Variants in TEAD1 observed in about 807,000 individuals in gnomAD.
The protein encoded by TEAD1 is transcriptional enhancer factor TEF-1.
Under a neutral mutation model 54.9 loss-of-function variants are expected in TEAD1, and 9 were observed. That is an observed-to-expected ratio of 0.16 (90% confidence interval 0.10 to 0.29). TEAD1 has a LOEUF of 0.29. Ranked by LOEUF, TEAD1 falls within the 10% of genes least tolerant of loss-of-function variation. The pLI is 1.00. For missense variants in TEAD1, 387 were observed against 535.9 expected, an observed-to-expected ratio of 0.72 and a Z score of 2.74; for synonymous variants, 200 against 187.8, an observed-to-expected ratio of 1.07 and a Z score of -0.53.
chr11:12,867,168 A>G (rs1048235555), intron 5 of TEAD1, among the ~76,000 whole-genome samples: 7 of 152,102 alleles, frequency 4.6e-5, no homozygotes, highest in African/African-American at 1.7e-4. Flanking sequence ...TTGAACTCAG[A>G]TCTTTTTGCA....
chr11:12,686,483 A>G (rs1013016897), intron 2 of TEAD1, among the ~76,000 whole-genome samples: 1 of 152,204 alleles, frequency 6.6e-6, no homozygotes, highest in Non-Finnish European at 1.5e-5. Flanking sequence ...CTCATCATTC[A>G]TAGGAATGAT....
chr11:12,681,321 G>A (rs1363151600), intron 2 of TEAD1, among the ~76,000 whole-genome samples: 1 of 152,120 alleles, frequency 6.6e-6, no homozygotes, highest in Non-Finnish European at 1.5e-5. Context: ...TTGATGAAAG[G>A]TTTCTAGTTT....
chr11:12,896,086 A>G (rs961742196), intron 9 of TEAD1, among the ~76,000 whole-genome samples: 1 of 152,172 alleles, frequency 6.6e-6, no homozygotes, highest in East Asian at 1.9e-4. Context: ...AATTTTGCAC[A>G]CAGCGTGGTT....
intron 10 of TEAD1, among the ~76,000 whole-genome samples, chr11:12,912,024 G>A (rs991552397): frequency 2.6e-5 from 4 of 151,776 alleles, no homozygotes; most frequent in Non-Finnish European, 4.4e-5. Context: ...AGAAATTGCT[G>A]TGCATTGGGC....
intron 5 of TEAD1, 85 bp from the exon 6 acceptor site, chr11:12,879,623 T>C (rs766322609): frequency 6.4e-7 from 1 of 1,562,872 alleles, no homozygotes; most frequent in Admixed American, 1.7e-5. Context: ...TGTATTTTAG[T>C]CCATGTGCTC....
At chr11:12,755,546 C>T (rs1363588930) in intron 2 of TEAD1, among the ~76,000 whole-genome samples, 3 of 152,330 alleles carry the variant, frequency 2.0e-5, no homozygotes, top group Middle Eastern at 6.8e-3. Flanking sequence ...TTGACTGTTA[C>T]TCCTGGGAAA....
At chr11:12,864,766 A>G in intron 4 of TEAD1, 72 bp from the exon 5 acceptor site, 4 of 1,612,764 alleles carry the variant, frequency 2.5e-6, no homozygotes, top group Admixed American at 1.7e-5. Context: ...TGGCTTGCCC[A>G]CTTGTAGGGG....
intron 2 of TEAD1, among the ~76,000 whole-genome samples, chr11:12,719,971 TTTTTTTTTTTTTTTTTTTTTTTTGGGG>T (rs1944154779): frequency 3.1e-5 from 2 of 63,636 alleles, no homozygotes; most frequent in African/African-American, 2.9e-4. Flanking sequence ...TTTTTTTTTT[TTTTTTTTTTTTTTTTTTTTTTTTGGGG>T]GGGGACCCAG....
At chr11:12,903,524 T>C (rs1008436411) in intron 10 of TEAD1, among the ~76,000 whole-genome samples, 8 of 152,256 alleles carry the variant, frequency 5.3e-5, no homozygotes, top group Non-Finnish European at 8.8e-5. Flanking sequence ...TATTGAAATT[T>C]GGTTAGTAGT....
intron 4 of TEAD1, 103 bp downstream of exon 4, chr11:12,862,417 T>C: frequency 1.0e-6 from 1 of 985,896 alleles, no homozygotes. Flanking sequence ...GCCCCCAATT[T>C]GAGTTCCCTG....
At chr11:12,709,276 C>G (rs942415377) in intron 2 of TEAD1, among the ~76,000 whole-genome samples, 5 of 151,252 alleles carry the variant, frequency 3.3e-5, no homozygotes, top group African/African-American at 1.2e-4. Context: ...AGGTGGAGGT[C>G]GCAGTGAGCT....
intron 3 of TEAD1, among the ~76,000 whole-genome samples, chr11:12,766,824 A>G (rs974965830): frequency 3.9e-5 from 6 of 152,176 alleles, no homozygotes; most frequent in African/African-American, 1.2e-4. Context: ...TGGAAGAACA[A>G]TCTTACTGGT....
At chr11:12,834,562 G>A (rs1335495127) in intron 3 of TEAD1, among the ~76,000 whole-genome samples, 4 of 152,184 alleles carry the variant, frequency 2.6e-5, no homozygotes, top group Admixed American at 2.0e-4. Flanking sequence ...ACGCCTGGTG[G>A]TATACAGTAG....
At chr11:12,737,421 G>A (rs987075399) in intron 2 of TEAD1, among the ~76,000 whole-genome samples, 1 of 151,936 alleles carries the variant, frequency 6.6e-6, no homozygotes, top group Non-Finnish European at 1.5e-5. Flanking sequence ...CCTTAGGTTT[G>A]TGCAAGGACT....
intron 3 of TEAD1, among the ~76,000 whole-genome samples, chr11:12,785,154 G>A (rs75818774): frequency 1.9e-3 from 289 of 152,314 alleles, no homozygotes; most frequent in African/African-American, 6.1e-3. Flanking sequence ...CCTGGGAGCC[G>A]TGGGGAACGT....
At chr11:12,884,244 A>AC (rs1355000634) in intron 9 of TEAD1, among the ~76,000 whole-genome samples, 2 of 150,426 alleles carry the variant, frequency 1.3e-5, no homozygotes, top group Non-Finnish European at 3.0e-5. Context: ...CTTCACACCC[A>AC]CTCCTTGGCT....
intron 2 of TEAD1, among the ~76,000 whole-genome samples, chr11:12,735,302 C>T (rs753045523): frequency 6.6e-6 from 1 of 151,848 alleles, no homozygotes; most frequent in South Asian, 2.1e-4. Flanking sequence ...GGTTCATTCA[C>T]TCTGAGTCTC....
chr11:12,803,867 C>T (rs1043841239), intron 3 of TEAD1, among the ~76,000 whole-genome samples: 2 of 152,190 alleles, frequency 1.3e-5, no homozygotes, highest in African/African-American at 4.8e-5. Context: ...TAATCTAGAC[C>T]TGTTGGTTTA....
intron 3 of TEAD1, among the ~76,000 whole-genome samples, chr11:12,785,885 A>C (rs937389332): frequency 1.1e-4 from 16 of 152,182 alleles, no homozygotes; most frequent in Non-Finnish European, 1.6e-4. Context: ...ATAATTTACT[A>C]ACTTAGTTTT....
Sources: allele counts gnomAD v4.1 joint callset (sites outside exome capture counted in the v4.1 genomes callset), GRCh38; gene constraint gnomAD v4.1.1; transcripts MANE v1.5; gene names NCBI Gene and HGNC (gene_info 2026-07-23, HGNC 2026-07-21).